Variants in GRAMD2B observed in about 807,000 individuals in gnomAD.
GRAMD2B encodes GRAM domain-containing protein 2B.
GRAMD2B carries 41 observed loss-of-function variants against 59.2 expected under a neutral mutation model. That is an observed-to-expected ratio of 0.69 (90% CI 0.54 to 0.90). GRAMD2B has a LOEUF of 0.90. GRAMD2B is among the 40% of genes least tolerant of loss of function. The pLI is 0.00. For missense variants in GRAMD2B, 424 were observed against 500.5 expected, an observed-to-expected ratio of 0.85 and a Z score of 1.46; for synonymous variants, 161 against 182.7, an observed-to-expected ratio of 0.88 and a Z score of 0.96.
At chr5:126,410,886 T>C (rs995064121) in intron 1 of GRAMD2B, among the ~76,000 whole-genome samples, 2 of 152,106 alleles carry the variant, frequency 1.3e-5, no homozygotes, top group Admixed American at 6.6e-5. Flanking sequence ...TTTTTCATGT[T>C]TGTTGACTGT....
At chr5:126,415,369 A>T (rs190574145) in intron 1 of GRAMD2B, among the ~76,000 whole-genome samples, 1 of 152,284 alleles carries the variant, frequency 6.6e-6, no homozygotes, top group East Asian at 1.9e-4. Context: ...ATATCTGTTT[A>T]TTGATATGTT....
intron 1 of GRAMD2B, among the ~76,000 whole-genome samples, chr5:126,394,274 CA>C (rs372281197): frequency 0.023 from 2,676 of 118,904 alleles, 64 homozygotes; most frequent in African/African-American, 0.071. Flanking sequence ...GACTCTGTCT[CA>C]AAAAAAAAAA....
chr5:126,467,970 T>C (rs1768776873), intron 2 of GRAMD2B, among the ~76,000 whole-genome samples: 1 of 152,224 alleles, frequency 6.6e-6, no homozygotes, highest in Admixed American at 6.5e-5. Flanking sequence ...GTGACACCCA[T>C]GTACCACCTG....
rs377550908 is a variant in GRAMD2B at position 126,384,432 on chromosome 5, A to G, written c.125+12865A>G. ...CAACAAAATAAACCTTGCCTAATGT[A>G]AAAAACTAACAGCTGCCAGTATAAT... On this transcript the variant is annotated intron_variant, in intron 1 of 8. Transcript: ENST00000506445. 2.6e-5 allele frequency among the ~76,000 whole-genome samples: 4 copies of G among 152,232 alleles called. No individual in the cohort carries two copies. The East Asian group carries it at 5.8e-4, about 22-fold the overall frequency.
chr5:126,361,446 A>G (rs948097428), intron 1 of GRAMD2B, among the ~76,000 whole-genome samples: 1 of 151,768 alleles, frequency 6.6e-6, no homozygotes, highest in Middle Eastern at 3.2e-3. Flanking sequence ...GACTAGGAAA[A>G]GAGACAGTTT....
chr5:126,425,361 G>T (rs1760431273), intron 1 of GRAMD2B, among the ~76,000 whole-genome samples: 1 of 152,190 alleles, frequency 6.6e-6, no homozygotes, highest in Non-Finnish European at 1.5e-5. Context: ...CCTTTAAAAA[G>T]AAAGATCATT....
chr5:126,415,242 GC>G (rs1759165510), intron 1 of GRAMD2B, among the ~76,000 whole-genome samples: 3 of 152,312 alleles, frequency 2.0e-5, no homozygotes, highest in South Asian at 4.1e-4. Flanking sequence ...CAAATGGTCA[GC>G]CCTTTTCCTT....
chr5:126,405,185 G>C (rs112943709), intron 1 of GRAMD2B, among the ~76,000 whole-genome samples: 1,522 of 152,018 alleles, frequency 0.01, 39 homozygotes, highest in African/African-American at 0.035. Context: ...GGGAAGAACT[G>C]GTAGTTGAGT....
chr5:126,362,949 A>G (rs1754283621), intron 1 of GRAMD2B, among the ~76,000 whole-genome samples: 1 of 152,224 alleles, frequency 6.6e-6, no homozygotes, highest in Non-Finnish European at 1.5e-5. Context: ...CGCAAGTGAT[A>G]AAAGAGAAAA....
intron 1 of GRAMD2B, among the ~76,000 whole-genome samples, chr5:126,438,733 G>C (rs2149822440): frequency 6.6e-6 from 1 of 152,268 alleles, no homozygotes; most frequent in South Asian, 2.1e-4. Context: ...AGTTTAAAAG[G>C]CTGATTTGGG....
chr5:126,451,953 C>T (rs1256955615), intron 1 of GRAMD2B, among the ~76,000 whole-genome samples: 3 of 151,972 alleles, frequency 2.0e-5, no homozygotes, highest in Admixed American at 1.3e-4. Flanking sequence ...GATGTGCCTG[C>T]TCCCCCTTCG....
intron 13 of GRAMD2B, among the ~76,000 whole-genome samples, chr5:126,490,639 C>T (rs1773756894): frequency 6.6e-6 from 1 of 152,196 alleles, no homozygotes; most frequent in African/African-American, 2.4e-5. Flanking sequence ...CCAGGCCACA[C>T]CCGTGCTCTT....
At chr5:126,362,383 T>C (rs1438999076) in intron 1 of GRAMD2B, among the ~76,000 whole-genome samples, 1 of 152,232 alleles carries the variant, frequency 6.6e-6, no homozygotes, top group Non-Finnish European at 1.5e-5. Context: ...ACTTTACCTG[T>C]CTTTAATTTC....
chr5:126,421,084 G>T (rs139706924), upstream of GRAMD2B, among the ~76,000 whole-genome samples: 315 of 152,248 alleles, frequency 2.1e-3, 3 homozygotes, highest in African/African-American at 7.1e-3. Flanking sequence ...GCTGGGAGGA[G>T]GTGAGAAAGA....
intron 1 of GRAMD2B, among the ~76,000 whole-genome samples, chr5:126,430,741 T>A (rs77192062): frequency 0.039 from 5,933 of 152,238 alleles, 394 homozygotes; most frequent in African/African-American, 0.13. Flanking sequence ...GAAACAAGAT[T>A]GTAAGCATCT....
chr5:126,362,010 C>G (rs1364034518), intron 1 of GRAMD2B, among the ~76,000 whole-genome samples: 1 of 152,194 alleles, frequency 6.6e-6, no homozygotes, highest in Non-Finnish European at 1.5e-5. Context: ...CACCATCACC[C>G]CAAATGTGGT....
chr5:126,463,811 G>A (rs1414704205), intron 1 of GRAMD2B, among the ~76,000 whole-genome samples: 1 of 152,158 alleles, frequency 6.6e-6, no homozygotes, highest in Non-Finnish European at 1.5e-5. Context: ...CTGAGGTCAG[G>A]AGTTCGAGAC....
chr5:126,475,071 T>C (rs754313660), intron 5 of GRAMD2B, among the ~76,000 whole-genome samples: 5 of 152,218 alleles, frequency 3.3e-5, no homozygotes, highest in Non-Finnish European at 7.3e-5. Flanking sequence ...AACTTTCCAA[T>C]CAAGTTCCCC....
intron 1 of GRAMD2B, among the ~76,000 whole-genome samples, chr5:126,443,918 G>A (rs1035703524): frequency 6.6e-6 from 1 of 152,108 alleles, no homozygotes; most frequent in African/African-American, 2.4e-5. Flanking sequence ...TGGACGTGGT[G>A]GTGGGCGCCT....
Sources: allele counts gnomAD v4.1 joint callset (sites outside exome capture counted in the v4.1 genomes callset), GRCh38; gene constraint gnomAD v4.1.1; transcripts MANE v1.5; gene names NCBI Gene and HGNC (gene_info 2026-07-23, HGNC 2026-07-21).